KIAA1217: variants seen among roughly 807,000 people sequenced by gnomAD.
KIAA1217 encodes sickle tail protein homolog.
Under a neutral mutation model 163.9 loss-of-function variants are expected in KIAA1217, and 88 were observed. That is an observed-to-expected ratio of 0.54 (90% CI 0.45 to 0.64). The LOEUF (loss-of-function observed/expected upper bound fraction) is 0.64, where lower values mean the gene tolerates loss of function less well. Among genes scored for constraint, KIAA1217 ranks in the 30% least tolerant of loss-of-function variants. The pLI is 0.00. For missense variants in KIAA1217, 2,372 were observed against 2,475.0 expected, an observed-to-expected ratio of 0.96 and a Z score of 0.88; for synonymous variants, 903 against 923.1, an observed-to-expected ratio of 0.98 and a Z score of 0.39.
At chr10:24,382,141 A>T (rs1465841772) in intron 3 of KIAA1217, among the ~76,000 whole-genome samples, 3 of 151,792 alleles carry the variant, frequency 2.0e-5, no homozygotes, top group Non-Finnish European at 4.4e-5. Flanking sequence ...AAGGGGGCAG[A>T]TGTTTCTTAT....
chr10:24,275,616 CTG>C (rs1348369081), intron 2 of KIAA1217: 4 of 465,490 alleles, frequency 8.6e-6, no homozygotes, highest in Non-Finnish European at 1.8e-5. Context: ...TGAGGACTGA[CTG>C]TATAATGCTT....
At chr10:23,913,220 C>A (rs1436297710) in intron 1 of KIAA1217, among the ~76,000 whole-genome samples, 1 of 147,720 alleles carries the variant, frequency 6.8e-6, no homozygotes, top group Non-Finnish European at 1.5e-5. Context: ...GCCTCCCAGA[C>A]TGCAGGGCAC....
intron 1 of KIAA1217, among the ~76,000 whole-genome samples, chr10:23,896,566 T>C (rs541142363): frequency 5.3e-5 from 8 of 152,144 alleles, no homozygotes; most frequent in Admixed American, 4.6e-4. Flanking sequence ...ATCTTTGGCT[T>C]ACCATACAGT....
chr10:24,479,716 C>A (rs2064422688), intron 6 of KIAA1217, among the ~76,000 whole-genome samples: 1 of 152,138 alleles, frequency 6.6e-6, no homozygotes, highest in African/African-American at 2.4e-5. Flanking sequence ...ATGGCCCTAG[C>A]TTCTGGCAAG....
chr10:23,784,057 C>G (rs1835377408), intron 1 of KIAA1217, among the ~76,000 whole-genome samples: 1 of 151,626 alleles, frequency 6.6e-6, no homozygotes, highest in African/African-American at 2.4e-5. Flanking sequence ...AAGTCTCCTG[C>G]TATTATTGTA....
At chr10:23,925,438 C>T (rs577271654) in intron 1 of KIAA1217, among the ~76,000 whole-genome samples, 1 of 152,362 alleles carries the variant, frequency 6.6e-6, no homozygotes, top group South Asian at 2.1e-4. Flanking sequence ...ATACTAAGTC[C>T]TGCCTTCTGC....
intron 3 of KIAA1217, among the ~76,000 whole-genome samples, chr10:24,404,165 C>T (rs553462762): frequency 2.9e-4 from 44 of 152,240 alleles, no homozygotes; most frequent in African/African-American, 8.9e-4. Flanking sequence ...CACCATGCTA[C>T]GCAGGCTGGT....
Position 24,478,121 on chromosome 10 carries a change from C to T in KIAA1217, c.1679+4061C>T, listed in dbSNP as rs1013446426. Among the ~76,000 whole-genome samples the T allele has an allele frequency of 5.9e-5, 9 of 152,290 alleles. 1 individual carries two copies. The highest frequency in any genetic ancestry group is 2.0e-4 in the Admixed American group (3 of 15,294). ...TCGGTGGCTGTGCTTTCTGTTGGCA[C>T]TGCTGGGTTCTTATGCTGTTCTGAA... On this transcript the variant is annotated intron_variant, in intron 6 of 20. Transcript: ENST00000376454.
intron 2 of KIAA1217, among the ~76,000 whole-genome samples, chr10:24,221,549 T>C (rs533724245): frequency 3.3e-5 from 5 of 152,218 alleles, no homozygotes; most frequent in Non-Finnish European, 5.9e-5. Flanking sequence ...ATTCTCAATC[T>C]CATATTCTTC....
intron 1 of KIAA1217, among the ~76,000 whole-genome samples, chr10:23,813,009 T>G (rs1384063907): frequency 1.3e-5 from 2 of 152,184 alleles, no homozygotes; most frequent in African/African-American, 2.4e-5. Flanking sequence ...CATTGAGGAC[T>G]GCCTGACTGT....
chr10:24,416,240 A>T (rs1044372921), intron 3 of KIAA1217, among the ~76,000 whole-genome samples: 42 of 152,234 alleles, frequency 2.8e-4, no homozygotes, highest in Admixed American at 2.6e-3. Flanking sequence ...TAAACTTTGG[A>T]TACCCTAAAA....
chr10:23,858,297 G>A (rs544074897), intron 1 of KIAA1217, among the ~76,000 whole-genome samples: 33 of 152,182 alleles, frequency 2.2e-4, no homozygotes, highest in African/African-American at 5.5e-4. Flanking sequence ...CAGCATAGTC[G>A]TGAGGAACCC....
At chr10:24,484,241 A>ATATATATATATATATATATTTT (rs1376083298) in intron 6 of KIAA1217, among the ~76,000 whole-genome samples, 1 of 75,156 alleles carries the variant, frequency 1.3e-5, no homozygotes, top group East Asian at 4.6e-4. Flanking sequence ...ATATATATAT[A>ATATATATATATATATATATTTT]TTTTTTTTTT....
At chr10:24,138,489 T>A (rs575832515) in intron 2 of KIAA1217, among the ~76,000 whole-genome samples, 42 of 152,296 alleles carry the variant, frequency 2.8e-4, no homozygotes, top group Admixed American at 3.3e-4. Context: ...ATGTATATGA[T>A]TAGACTTTTT....
intron 2 of KIAA1217, among the ~76,000 whole-genome samples, chr10:24,137,086 T>C (rs1389423037): frequency 1.3e-5 from 2 of 152,216 alleles, no homozygotes; most frequent in African/African-American, 2.4e-5. Context: ...TTCTGACATA[T>C]TCATGTAAAA....
intron 3 of KIAA1217, among the ~76,000 whole-genome samples, chr10:24,400,558 G>A (rs558015026): frequency 6.6e-6 from 1 of 152,256 alleles, no homozygotes; most frequent in South Asian, 2.1e-4. Context: ...ACAGATCCAT[G>A]CTTACCTCCA....
intron 20 of KIAA1217, 70 bp downstream of exon 20, chr10:24,545,173 A>G (rs1419158671): frequency 6.3e-7 from 1 of 1,594,094 alleles, no homozygotes; most frequent in Non-Finnish European, 8.6e-7. Context: ...CTTAGTTTAT[A>G]CCAAATATTG....
Position 24,219,677 on chromosome 10 carries a change from G to C in KIAA1217, c.122G>C (p.Arg41Pro). The change falls in exon 2 of 21, where the codon CGC becomes CCC. Residue 41 changes from arginine (R) to proline (P), a missense_variant. Around this residue, in one of 3 missense-constraint regions of KIAA1217, gnomAD observed 1,431 missense variants for 1,470.3 expected, o/e 0.97. Transcript: ENST00000376454. Reference protein sequence around the residue: ...HVTSPEDAECRRTKERLSNGN... With the variant: ...HVTSPEDAECPRTKERLSNGN... ...ACATCACCAGAAGATGCAGAATGCC[G>C]CAGAACCAAGGAACGCCTTTCTAAT... 1.9e-6 allele frequency: 3 copies of C among 1,613,372 alleles called. No homozygotes were observed. The highest frequency in any genetic ancestry group is 8.5e-7 in the Non-Finnish European group (1 of 1,179,652).
At chr10:23,922,726 A>G (rs1301994488) in intron 1 of KIAA1217, among the ~76,000 whole-genome samples, 2 of 152,162 alleles carry the variant, frequency 1.3e-5, no homozygotes, top group African/African-American at 4.8e-5. Context: ...TCAAGAGTGG[A>G]GAACATTAGA....
Sources: gnomAD v4.1 joint callset for allele counts (sites outside exome capture counted in the v4.1 genomes callset) on GRCh38, gnomAD v4.1.1 for gene constraint, gnomAD v4.1.1 regional missense constraint, MANE v1.5 for transcripts, NCBI Gene and HGNC (gene_info 2026-07-23, HGNC 2026-07-21) for gene names.